Variants in GLB1L3 observed in about 807,000 individuals in gnomAD.
GLB1L3 encodes the protein galactosidase beta 1 like 3.
GLB1L3 carries 89 observed loss-of-function variants against 89.5 expected under a neutral mutation model. That is an observed-to-expected ratio of 0.99 (90% CI 0.84 to 1.19). The LOEUF (loss-of-function observed/expected upper bound fraction) is 1.19, where lower values mean the gene tolerates loss of function less well. Ranked by LOEUF, GLB1L3 falls within the 50% of genes most tolerant of loss-of-function variation. The pLI is 0.00. For synonymous variants in GLB1L3, 314 were observed against 312.3 expected (o/e 1.01, Z -0.06); for missense variants, 812 against 813.3 (o/e 1.00, Z 0.02).
chr11:134,316,097 A>G (rs1591596350), intron 18 of GLB1L3, among the ~76,000 whole-genome samples: 1 of 152,084 alleles, frequency 6.6e-6, no homozygotes. Flanking sequence ...TCATTATCCT[A>G]TAAACATTGG....
Position 134,281,337 on chromosome 11 carries a change from TAAG to T in GLB1L3, c.363-35_363-33del, listed in dbSNP as rs1940673012. The T allele has an allele frequency of 3.7e-6, 6 of 1,610,778 alleles. No individual in the cohort carries two copies. In the African/African-American group the frequency reaches 4.0e-5, roughly 11 times the overall value. ...AGACCTAACAATTTGGAGGAAGAAA[TAAG>T]AAGATACTCATCATACTTCCCTCTC... On this transcript the variant is annotated intron_variant, in intron 3 of 19. Coordinates refer to ENST00000431683, the MANE Select transcript of GLB1L3 (RefSeq NM_001080407.3).
At chr11:134,308,230 C>CACT (rs1942342579) in intron 10 of GLB1L3, among the ~76,000 whole-genome samples, 1 of 28,686 alleles carries the variant, frequency 3.5e-5, no homozygotes, top group Non-Finnish European at 7.9e-5. Flanking sequence ...CCATCACCAC[C>CACT]ACCACCATCA....
chr11:134,284,829 C>T (rs886488306), intron 6 of GLB1L3, among the ~76,000 whole-genome samples: 1 of 152,056 alleles, frequency 6.6e-6, no homozygotes, highest in African/African-American at 2.4e-5. Flanking sequence ...ACTTGCACCC[C>T]CCATTCCGTG....
rs1362102415 is a variant in GLB1L3 at position 134,319,144 on chromosome 11, T to G, written c.*202T>G. ...TAATTTTTTGTATTTTTAGTAGAGA[T>G]GGGGTTTCACCAAGTTAGCCAGGAT... On this transcript the variant is annotated 3_prime_UTR_variant, in exon 20 of 20. Coordinates refer to ENST00000431683, the MANE Select transcript of GLB1L3 (RefSeq NM_001080407.3). 6 of 518,558 alleles carry G rather than the reference T, an allele frequency of 1.2e-5. No individual in the cohort carries two copies. Among genetic ancestry groups the G allele is most frequent in the Non-Finnish European group, 1.7e-5 (5 of 289,608 alleles). The allele number at this position is 518,558 out of a possible 1,614,324, so 32.1% of individuals were successfully genotyped here.
intron 9 of GLB1L3, among the ~76,000 whole-genome samples, chr11:134,294,224 AC>A (rs1233317247): frequency 6.6e-6 from 1 of 151,806 alleles, no homozygotes; most frequent in African/African-American, 2.4e-5. Context: ...CTGCCACCAC[AC>A]CCAGCTAATT....
At position 134,318,624 on chromosome 11, in the gene GLB1L3, C is replaced by T; in HGVS notation, c.1780-7C>T. 1 of 1,567,964 alleles carries T rather than the reference C, an allele frequency of 6.4e-7. No individual in the cohort carries two copies. The highest frequency in any genetic ancestry group is 8.8e-7 in the Non-Finnish European group (1 of 1,140,700). ...ATTTCCAAATCTCAAGCCACCATTCCTTTCAGAACTGGAATTATGGATTTG... is the reference window on the plus strand; with the variant it reads ...ATTTCCAAATCTCAAGCCACCATTCTTTTCAGAACTGGAATTATGGATTTG... On this transcript the variant is annotated splice_region_variant and splice_polypyrimidine_tract_variant and intron_variant, in intron 18 of 19. Coordinates refer to ENST00000431683, the MANE Select transcript of GLB1L3 (RefSeq NM_001080407.3).
chr11:134,309,979 C>T, intron 11 of GLB1L3: 5 of 577,678 alleles, frequency 8.7e-6, no homozygotes, highest in Non-Finnish European at 1.2e-5. Context: ...ACTTAGAGCT[C>T]CGCTTCACAC....
intron 8 of GLB1L3, 100 bp from the exon 9 acceptor site, chr11:134,293,045 T>C (rs1941444399): frequency 2.2e-6 from 2 of 892,742 alleles, no homozygotes; most frequent in Admixed American, 1.9e-5. Flanking sequence ...CTGCTGAGCA[T>C]GGGTTCCTCC....
intron 4 of GLB1L3, among the ~76,000 whole-genome samples, 156 bp from the exon 5 acceptor site, chr11:134,281,869 C>T (rs1940705798): frequency 6.8e-6 from 1 of 147,822 alleles, no homozygotes; most frequent in South Asian, 2.1e-4. Context: ...GCAGCTCAGG[C>T]CACCGACCTG....
chr11:134,281,100 T>TTA (rs1314542989), intron 3 of GLB1L3, among the ~76,000 whole-genome samples: 1 of 152,172 alleles, frequency 6.6e-6, no homozygotes, highest in Non-Finnish European at 1.5e-5. Flanking sequence ...TTTTAATGAG[T>TTA]GTTACAATAG....
At chr11:134,276,798 C>T in intron 1 of GLB1L3, 35 bp downstream of exon 1, 2 of 1,393,362 alleles carry the variant, frequency 1.4e-6, no homozygotes, top group Non-Finnish European at 1.9e-6. Flanking sequence ...GGGCTGCCCA[C>T]CACCCCGGCG....
chr11:134,302,147 A>G (rs528980730), intron 9 of GLB1L3, among the ~76,000 whole-genome samples: 13 of 152,256 alleles, frequency 8.5e-5, no homozygotes, highest in Non-Finnish European at 1.3e-4. Context: ...GCCAAATACA[A>G]TGTCCCAGAC....
intron 6 of GLB1L3, among the ~76,000 whole-genome samples, chr11:134,285,977 C>T (rs1156280205): frequency 6.7e-6 from 1 of 148,166 alleles, no homozygotes; most frequent in Non-Finnish European, 1.5e-5. Flanking sequence ...TGTGTGACCT[C>T]GGCTCACCGC....
At chr11:134,323,870 A>G (rs1331130228), downstream of GLB1L3, among the ~76,000 whole-genome samples, 2 of 152,132 alleles carry the variant, frequency 1.3e-5, no homozygotes, top group Non-Finnish European at 2.9e-5. Context: ...GCATAAAGTA[A>G]AGAGACAAGA....
At chr11:134,316,639 A>C (rs1227343901) in intron 18 of GLB1L3, 1 of 152,178 alleles carries the variant, frequency 6.6e-6, no homozygotes, top group Admixed American at 6.5e-5. Context: ...GAATGTCTTA[A>C]AGATGATTTT....
At chr11:134,289,050 T>G in intron 7 of GLB1L3, 160 bp downstream of exon 7, 1 of 544,622 alleles carries the variant, frequency 1.8e-6, no homozygotes, top group East Asian at 3.1e-5. Flanking sequence ...ACTGCATAGC[T>G]GAAAATTTGC....
At chr11:134,303,278 A>G (rs148073630) in intron 9 of GLB1L3, among the ~76,000 whole-genome samples, 71 of 152,304 alleles carry the variant, frequency 4.7e-4, no homozygotes, top group African/African-American at 1.7e-3. Flanking sequence ...AATTAGTTGA[A>G]TATTTTTATT....
chr11:134,308,335 TCACCATCATCACCATCACCACTAC>T (rs1942398452), intron 10 of GLB1L3, among the ~76,000 whole-genome samples: 1 of 27,766 alleles, frequency 3.6e-5, no homozygotes, highest in Non-Finnish European at 6.9e-5. Flanking sequence ...ACCATCACCA[TCACCATCATCACCATCACCACTAC>T]CACCACCACC....
chr11:134,280,953 G>A (rs566332664), intron 3 of GLB1L3, among the ~76,000 whole-genome samples: 43 of 152,272 alleles, frequency 2.8e-4, no homozygotes, highest in African/African-American at 1.0e-3. Context: ...TCTAAAGGTA[G>A]TACCCTTACT....
Sources: gnomAD v4.1 joint callset for allele counts (sites outside exome capture counted in the v4.1 genomes callset) on GRCh38, gnomAD v4.1.1 for gene constraint, MANE v1.5 for transcripts, NCBI Gene and HGNC (gene_info 2026-07-23, HGNC 2026-07-21) for gene names.